PPP2R2B: variants seen among roughly 807,000 people sequenced by gnomAD.
PPP2R2B encodes protein phosphatase 2 regulatory subunit Bbeta, also known as serine/threonine-protein phosphatase 2A 55 kDa regulatory subunit B beta isoform.
Under a neutral mutation model 46.0 loss-of-function variants are expected in PPP2R2B, and 5 were observed. The ratio of observed to expected loss-of-function variants is 0.11; its 90% confidence interval spans 0.06 to 0.23. The LOEUF is 0.23. Ranked by LOEUF, PPP2R2B falls within the 10% of genes least tolerant of loss-of-function variation. The pLI is 1.00. For synonymous variants in PPP2R2B, 215 were observed against 206.7 expected (o/e 1.04, Z -0.34); for missense variants, 367 against 575.0 (o/e 0.64, Z 3.70).
chr5:147,009,081 C>T (rs952544203), intron 1 of PPP2R2B, among the ~76,000 whole-genome samples: 4 of 152,098 alleles, frequency 2.6e-5, no homozygotes, highest in Admixed American at 1.3e-4. Flanking sequence ...TTAGAAAAAA[C>T]TGGCCATGTG....
At chr5:146,882,929 A>G (rs1393080809), upstream of PPP2R2B, among the ~76,000 whole-genome samples, 1 of 152,162 alleles carries the variant, frequency 6.6e-6, no homozygotes, top group Non-Finnish European at 1.5e-5. Flanking sequence ...ATGTGGATAC[A>G]TTCGTTTTTT....
chr5:146,693,171 T>G (rs1349903450), intron 4 of PPP2R2B, among the ~76,000 whole-genome samples: 1 of 151,460 alleles, frequency 6.6e-6, no homozygotes, highest in Non-Finnish European at 1.5e-5. Flanking sequence ...TTTCCTTCCT[T>G]CCCTTCTTCC....
intron 9 of PPP2R2B, among the ~76,000 whole-genome samples, chr5:146,590,948 C>T (rs902801780): frequency 6.6e-6 from 1 of 152,030 alleles, no homozygotes; most frequent in Non-Finnish European, 1.5e-5. Context: ...AGATGGTTTC[C>T]ACATTTTTAT....
chr5:146,638,408 C>T lies in PPP2R2B; in HGVS notation c.633G>A (p.Val211=). ...FEITNQSFNI[V]DIKPANMEEL... ...CCTCCATGTTGGCTGGCTTAATGTC[C>T]ACAATATCTGGCACAGACGAGTCAA... Residue 211 remains valine, a synonymous_variant, in exon 7 of 10, where the codon GTG becomes GTA. Coordinates refer to ENST00000394411, the MANE Select transcript of PPP2R2B (RefSeq NM_181675.4). 6.2e-7 allele frequency: 1 copy of T among 1,606,894 alleles called. No homozygotes were observed. The highest frequency in any genetic ancestry group is 8.5e-7 in the Non-Finnish European group (1 of 1,174,484).
intron 2 of PPP2R2B, among the ~76,000 whole-genome samples, chr5:146,860,216 A>G (rs973196736): frequency 1.3e-5 from 2 of 152,222 alleles, no homozygotes; most frequent in African/African-American, 4.8e-5. Flanking sequence ...AAAAGCCATC[A>G]TGCTATTTTA....
intron 2 of PPP2R2B, among the ~76,000 whole-genome samples, chr5:146,759,361 G>A (rs1754023726): frequency 6.6e-6 from 1 of 152,112 alleles, no homozygotes; most frequent in Admixed American, 6.6e-5. Context: ...ATTACTGAAA[G>A]CTTTGCAAAC....
intron 2 of PPP2R2B, among the ~76,000 whole-genome samples, chr5:146,873,974 G>T (rs2151414662): frequency 6.6e-6 from 1 of 152,154 alleles, no homozygotes. Flanking sequence ...TTATCTCTCT[G>T]GGCTTTTGTA....
At chr5:146,903,438 C>G (rs1315400427) in intron 1 of PPP2R2B, among the ~76,000 whole-genome samples, 2 of 146,382 alleles carry the variant, frequency 1.4e-5, no homozygotes, top group African/African-American at 2.5e-5. Flanking sequence ...CTCTGTTGCC[C>G]AGGCTAGAGT....
chr5:147,021,507 C>T (rs1241874640), intron 1 of PPP2R2B, among the ~76,000 whole-genome samples: 1 of 152,184 alleles, frequency 6.6e-6, no homozygotes, highest in Non-Finnish European at 1.5e-5. Flanking sequence ...GCCTAAAATA[C>T]TGGGGAGGTA....
intron 2 of PPP2R2B, among the ~76,000 whole-genome samples, chr5:146,786,571 T>A (rs1172976841): frequency 1.3e-5 from 2 of 152,312 alleles, no homozygotes; most frequent in Non-Finnish European, 2.9e-5. Flanking sequence ...TTTAAGATAT[T>A]TACATTGCCC....
intron 9 of PPP2R2B, 126 bp from the exon 10 acceptor site, chr5:146,590,352 G>T: frequency 7.4e-6 from 6 of 805,402 alleles, no homozygotes; most frequent in East Asian, 3.1e-5. Context: ...CAAAAAATGA[G>T]AACAGGCTCT....
At chr5:146,648,137 T>A (rs1025044055) in intron 6 of PPP2R2B, among the ~76,000 whole-genome samples, 1 of 152,224 alleles carries the variant, frequency 6.6e-6, no homozygotes, top group Non-Finnish European at 1.5e-5. Context: ...GTTAGCCATG[T>A]GGCTGAATTC....
chr5:146,969,724 G>A (rs1046756597), intron 1 of PPP2R2B, among the ~76,000 whole-genome samples: 1 of 152,218 alleles, frequency 6.6e-6, no homozygotes, highest in Non-Finnish European at 1.5e-5. Context: ...GTTTTTTGGG[G>A]TGGAAGGAGT....
chr5:146,707,314 T>C (rs1779924366), intron 2 of PPP2R2B: 4 of 1,171,420 alleles, frequency 3.4e-6, no homozygotes, highest in South Asian at 2.4e-5. Context: ...GGCAAACTTG[T>C]TGTTGAAGGT....
At chr5:146,863,033 CTTT>C (rs34512431) in intron 2 of PPP2R2B, among the ~76,000 whole-genome samples, 1 of 143,682 alleles carries the variant, frequency 7.0e-6, no homozygotes, top group African/African-American at 2.5e-5. Flanking sequence ...ACTGCTTTTG[CTTT>C]TTTTTTTTTC....
chr5:146,878,807 C>G (rs1762063491), upstream of PPP2R2B: 2 of 1,273,058 alleles, frequency 1.6e-6, no homozygotes, highest in Non-Finnish European at 2.0e-6. This position sits in a 1 kb window ranked among gnomAD's most constrained non-coding sequence, Gnocchi z 4.5. Flanking sequence ...TCCTCCCAAC[C>G]GCGTCAGCAG....
intron 5 of PPP2R2B, among the ~76,000 whole-genome samples, chr5:146,685,753 G>A (rs774887337): frequency 6.6e-6 from 1 of 152,118 alleles, no homozygotes; most frequent in East Asian, 1.9e-4. Flanking sequence ...GACTGTGAGT[G>A]TCCTGTGCTG....
intron 2 of PPP2R2B, among the ~76,000 whole-genome samples, chr5:146,788,970 A>G (rs1055895729): frequency 6.6e-6 from 1 of 152,202 alleles, no homozygotes; most frequent in Non-Finnish European, 1.5e-5. Flanking sequence ...ATATTTGTTG[A>G]ATAAATGAAT....
At chr5:146,699,716 G>A (rs1779424513) in intron 3 of PPP2R2B, among the ~76,000 whole-genome samples, 1 of 134,692 alleles carries the variant, frequency 7.4e-6, no homozygotes, top group Non-Finnish European at 1.5e-5. Context: ...GTTTGAAAAT[G>A]AGTGTTCAAA....
Sources: allele counts gnomAD v4.1 joint callset (sites outside exome capture counted in the v4.1 genomes callset), GRCh38; gene constraint gnomAD v4.1.1; non-coding constraint Gnocchi (gnomAD v3.1); transcripts MANE v1.5; gene names NCBI Gene and HGNC (gene_info 2026-07-23, HGNC 2026-07-21).